Variants in FAM228B observed in about 807,000 individuals in gnomAD.
FAM228B encodes the protein family with sequence similarity 228 member B.
Under a neutral mutation model 42.6 loss-of-function variants are expected in FAM228B, and 38 were observed. The observed-to-expected ratio is 0.89, with a 90% CI of 0.69 to 1.17. The LOEUF is 1.17. Among genes scored for constraint, FAM228B ranks in the 50% most tolerant of loss-of-function variants. The pLI is 0.00. For missense variants in FAM228B, 344 were observed against 367.3 expected (o/e 0.94, Z 0.52); for synonymous variants, 109 against 122.3 (o/e 0.89, Z 0.72).
At chr2:24,103,678 G>T (rs552593651) in intron 3 of FAM228B, among the ~76,000 whole-genome samples, 6 of 152,290 alleles carry the variant, frequency 3.9e-5, no homozygotes, top group Admixed American at 2.0e-4. Context: ...TTTAGGAAAG[G>T]CTGGCCGGCC....
chr2:24,093,519 T>C (rs1209345685), intron 2 of FAM228B, among the ~76,000 whole-genome samples: 1 of 152,222 alleles, frequency 6.6e-6, no homozygotes, highest in Non-Finnish European at 1.5e-5. Flanking sequence ...CCATGGTGTA[T>C]ATGTATCATA....
upstream of FAM228B, among the ~76,000 whole-genome samples, chr2:24,122,199 G>A (rs1397419124): frequency 6.6e-6 from 1 of 152,064 alleles, no homozygotes; most frequent in Non-Finnish European, 1.5e-5. Flanking sequence ...GGGCCTGGTA[G>A]CGCACTCCTG....
chr2:24,133,714 T>C (rs1385635646), intron 2 of FAM228B, among the ~76,000 whole-genome samples: 1 of 152,190 alleles, frequency 6.6e-6, no homozygotes, highest in East Asian at 1.9e-4. Flanking sequence ...CTAAAGATTG[T>C]GTTATTTCAA....
chr2:24,140,527 T>G (rs1176919300), intron 5 of FAM228B, among the ~76,000 whole-genome samples: 1 of 152,148 alleles, frequency 6.6e-6, no homozygotes, highest in East Asian at 1.9e-4. Flanking sequence ...GTGGAATGAC[T>G]AAACCAATTA....
At chr2:24,159,967 G>A (rs916235474) in intron 7 of FAM228B, among the ~76,000 whole-genome samples, 2 of 151,570 alleles carry the variant, frequency 1.3e-5, no homozygotes, top group East Asian at 1.9e-4. Context: ...CTGGTGTCTG[G>A]GTATGGGTTT....
chr2:24,166,193 A>G (rs1471030016), intron 9 of FAM228B, among the ~76,000 whole-genome samples: 2 of 151,516 alleles, frequency 1.3e-5, no homozygotes, highest in Non-Finnish European at 2.9e-5. Flanking sequence ...AGCCCAGCCT[A>G]CCATTTCTGG....
At chr2:24,107,125 C>A (rs938190439) in intron 3 of FAM228B, among the ~76,000 whole-genome samples, 9 of 151,986 alleles carry the variant, frequency 5.9e-5, no homozygotes, top group African/African-American at 1.9e-4. Flanking sequence ...GCAGGGGTTG[C>A]AATCATAATT....
chr2:24,077,836 T>C lies in FAM228B; in HGVS notation c.-290+867T>C. ...GCCCTCCTCATCCTCCTCAGCCTTCTTGCTCTCTCTGAAGCCACGTATCTG... is the reference window on the plus strand; with the variant it reads ...GCCCTCCTCATCCTCCTCAGCCTTCCTGCTCTCTCTGAAGCCACGTATCTG... On this transcript the variant is annotated intron_variant, in intron 1 of 10. Coordinates refer to the FAM228B transcript ENST00000613899. The surrounding 1 kb of genome is among the most constrained non-coding windows in gnomAD (Gnocchi z 5.5). The C allele has an allele frequency of 6.6e-7, 1 of 1,511,728 alleles. No homozygotes were observed. Among genetic ancestry groups the C allele is most frequent in the South Asian group, 1.3e-5 (1 of 79,168 alleles). The allele number at this position is 1,511,728 out of a possible 1,614,324, so 93.6% of individuals were successfully genotyped here. A position where few individuals can be genotyped will look rare whatever the true frequency, so the allele number is the denominator to read the frequency against.
At position 24,080,162 on chromosome 2, in the gene FAM228B, G is replaced by C. The variant is rs1019333950; in HGVS notation, c.-289-714G>C. On this transcript the variant is annotated intron_variant, in intron 1 of 10. Coordinates refer to the FAM228B transcript ENST00000613899. This position sits in a 1 kb window ranked among gnomAD's most constrained non-coding sequence, Gnocchi z 4.7. Reference sequence around the variant, plus strand: ...ACCTGAGGTCAGGAGTTCGAGACCAGCCTGGCCAACATAGTGAAAGCCCGT... The same window carrying C: ...ACCTGAGGTCAGGAGTTCGAGACCACCCTGGCCAACATAGTGAAAGCCCGT... 6.6e-6 allele frequency among the ~76,000 whole-genome samples: 1 copy of C among 152,090 alleles called. No individual in the cohort carries two copies. Among genetic ancestry groups the C allele is most frequent in the Non-Finnish European group, 1.5e-5 (1 of 68,004 alleles).
At chr2:24,121,355 C>A, upstream of FAM228B, 1 of 1,544,704 alleles carries the variant, frequency 6.5e-7, no homozygotes, top group East Asian at 2.3e-5. Flanking sequence ...TGGTGGCCAG[C>A]CAAATTTAGC....
At chr2:24,102,949 A>G (rs1665634588) in intron 3 of FAM228B, among the ~76,000 whole-genome samples, 1 of 152,076 alleles carries the variant, frequency 6.6e-6, no homozygotes, top group Admixed American at 6.6e-5. Flanking sequence ...TGTAACAATC[A>G]TTTTGCTTCT....
At chr2:24,158,119 C>G (rs1445807343) in intron 7 of FAM228B, among the ~76,000 whole-genome samples, 1 of 149,448 alleles carries the variant, frequency 6.7e-6, no homozygotes, top group African/African-American at 2.5e-5. Context: ...ACTCTGTACT[C>G]CAACAATACC....
chr2:24,140,201 G>T (rs997853546), intron 5 of FAM228B, among the ~76,000 whole-genome samples: 1 of 152,126 alleles, frequency 6.6e-6, no homozygotes, highest in Admixed American at 6.6e-5. Flanking sequence ...TTTTCAGAGG[G>T]AGTCTCACTC....
At chr2:24,116,684 G>A (rs6710667) in intron 3 of FAM228B, among the ~76,000 whole-genome samples, 18,103 of 151,612 alleles carry the variant, frequency 0.12, 1,263 homozygotes, top group South Asian at 0.18. Context: ...GTGAAACCCC[G>A]TCTCTACTAA....
At chr2:24,097,134 A>G (rs535712938) in intron 3 of FAM228B, 2 of 152,266 alleles carry the variant, frequency 1.3e-5, no homozygotes, top group African/African-American at 2.4e-5. Context: ...AGCACTAAAC[A>G]TGGAAAGGAA....
At chr2:24,096,398 G>T (rs1294042847) in intron 3 of FAM228B, 3 of 152,166 alleles carry the variant, frequency 2.0e-5, no homozygotes, top group African/African-American at 7.2e-5. Flanking sequence ...AAGATTAGAC[G>T]AATGGCTAAC....
intron 7 of FAM228B, among the ~76,000 whole-genome samples, chr2:24,155,841 C>T (rs139083137): frequency 1.3e-4 from 19 of 151,874 alleles, no homozygotes; most frequent in African/African-American, 4.1e-4. Context: ...CACCCGGCCA[C>T]CATGCTCATA....
At chr2:24,083,895 AG>A (rs1285186776) in intron 2 of FAM228B, among the ~76,000 whole-genome samples, 1 of 152,200 alleles carries the variant, frequency 6.6e-6, no homozygotes, top group Non-Finnish European at 1.5e-5. Context: ...GATGGCGAAC[AG>A]GGTAGCCTGG....
At chr2:24,099,978 A>G (rs1345035382) in intron 3 of FAM228B, among the ~76,000 whole-genome samples, 1 of 152,182 alleles carries the variant, frequency 6.6e-6, no homozygotes, top group Non-Finnish European at 1.5e-5. Flanking sequence ...ATCTACAACC[A>G]TCTGATCTTT....
Sources: gnomAD v4.1 joint callset for allele counts (sites outside exome capture counted in the v4.1 genomes callset) on GRCh38, gnomAD v4.1.1 for gene constraint, Gnocchi (gnomAD v3.1) non-coding constraint, MANE v1.5 for transcripts, NCBI Gene and HGNC (gene_info 2026-07-23, HGNC 2026-07-21) for gene names.